The following DLG2 variants were observed in gnomAD, a reference collection of about 807,000 sequenced individuals.
DLG2 encodes disks large homolog 2.
Under a neutral mutation model 132.5 loss-of-function variants are expected in DLG2, and 45 were observed. That is an observed-to-expected ratio of 0.34 (90% CI 0.27 to 0.44). The LOEUF is 0.44. DLG2 is among the 20% of genes least tolerant of loss of function. DLG2 has a pLI of 1.00. For missense variants in DLG2, 1,045 were observed against 1,196.9 expected (o/e 0.87, Z 1.87); for synonymous variants, 424 against 419.6 (o/e 1.01, Z -0.13).
At chr11:85,174,206 A>G (rs1367628516) in intron 4 of DLG2, among the ~76,000 whole-genome samples, 3 of 152,212 alleles carry the variant, frequency 2.0e-5, no homozygotes, top group African/African-American at 7.2e-5. Context: ...TCCAAAATTG[A>G]TCACATAAAT....
chr11:84,033,542 TTGAAA>T lies in DLG2; in HGVS notation c.919+25768_919+25772del, dbSNP rs556370190. ...TCCTCTGGTGAAGATGTGAATATTGTTGAAATGAAAACAAAGGATTTAGAATATTG... is the reference window on the plus strand; with the variant it reads ...TCCTCTGGTGAAGATGTGAATATTGTTGAAAACAAAGGATTTAGAATATTG... On this transcript the variant is annotated intron_variant, in intron 11 of 27. Coordinates refer to ENST00000376104, the MANE Select transcript of DLG2 (RefSeq NM_001142699.3). Among the ~76,000 whole-genome samples the T allele has an allele frequency of 8.2e-4, 125 of 152,314 alleles. 4 individuals are homozygous for T. In the South Asian group the frequency reaches 0.024, roughly 29 times the overall value.
chr11:84,890,567 C>G (rs2089199943), intron 6 of DLG2, among the ~76,000 whole-genome samples: 1 of 152,128 alleles, frequency 6.6e-6, no homozygotes. Flanking sequence ...TTCCCAAGTC[C>G]TGAATATGCC....
intron 7 of DLG2, among the ~76,000 whole-genome samples, chr11:84,398,620 A>T (rs747175456): frequency 2.6e-5 from 4 of 152,324 alleles, no homozygotes; most frequent in Middle Eastern, 3.4e-3. Flanking sequence ...GTGTTAAACA[A>T]TCCAGTAGTG....
Position 84,977,457 on chromosome 11 carries a change from G to C in DLG2, c.357+134204C>G, listed in dbSNP as rs570987538. On this transcript the variant is annotated intron_variant, in intron 6 of 27. Coordinates refer to ENST00000376104, the MANE Select transcript of DLG2 (RefSeq NM_001142699.3). ...CTGTAGGCTCTTGTTGTGAGATGAA[G>C]ATTTTTCTTATTTTTAAAGCCAATC... 2.0e-5 allele frequency among the ~76,000 whole-genome samples: 3 copies of C among 152,198 alleles called. No individual in the cohort carries two copies. In the South Asian group the frequency reaches 6.2e-4, roughly 32 times the overall value.
chr11:84,991,023 G>A (rs1284431942), intron 6 of DLG2, among the ~76,000 whole-genome samples: 5 of 152,132 alleles, frequency 3.3e-5, no homozygotes, highest in Non-Finnish European at 5.9e-5. Context: ...ACCATGGGAT[G>A]CTACTCAGCA....
At chr11:85,123,151 G>A (rs1044793862) in intron 5 of DLG2, among the ~76,000 whole-genome samples, 15 of 150,342 alleles carry the variant, frequency 1.0e-4, no homozygotes, top group African/African-American at 3.7e-4. Flanking sequence ...CTAATTTTTT[G>A]TATTTTTAGT....
At chr11:85,262,741 T>C (rs1035069966) in intron 4 of DLG2, among the ~76,000 whole-genome samples, 10 of 152,200 alleles carry the variant, frequency 6.6e-5, no homozygotes, top group Non-Finnish European at 1.5e-4. Flanking sequence ...AATTTTAAGT[T>C]GGTCTGGTGA....
At chr11:84,403,209 CA>C (rs2098836815) in intron 7 of DLG2, among the ~76,000 whole-genome samples, 1 of 152,062 alleles carries the variant, frequency 6.6e-6, no homozygotes, top group Non-Finnish European at 1.5e-5. Flanking sequence ...GGGAGTCACT[CA>C]AAAACTGCTG....
At chr11:84,560,966 A>G (rs968842307) in intron 6 of DLG2, among the ~76,000 whole-genome samples, 19 of 152,104 alleles carry the variant, frequency 1.2e-4, no homozygotes, top group Non-Finnish European at 5.9e-5. Context: ...TAGGAATACA[A>G]TAATCAATGA....
At chr11:83,937,686 A>G (rs2081802490) in intron 14 of DLG2, among the ~76,000 whole-genome samples, 1 of 152,184 alleles carries the variant, frequency 6.6e-6, no homozygotes, top group Non-Finnish European at 1.5e-5. Flanking sequence ...ATCCAATCAC[A>G]AGAGAAAATA....
chr11:84,722,541 C>T (rs1048601050), intron 6 of DLG2, among the ~76,000 whole-genome samples: 3 of 152,166 alleles, frequency 2.0e-5, no homozygotes, highest in African/African-American at 7.2e-5. Flanking sequence ...CTGATTATGT[C>T]ATAATTCTCT....
At chr11:85,402,344 G>C (rs1171482898) in intron 3 of DLG2, among the ~76,000 whole-genome samples, 1 of 152,138 alleles carries the variant, frequency 6.6e-6, no homozygotes, top group Non-Finnish European at 1.5e-5. Context: ...ATTAACTCAA[G>C]ATGGTTTAAA....
intron 7 of DLG2, chr11:84,273,254 A>C: frequency 6.6e-7 from 1 of 1,513,002 alleles, no homozygotes; most frequent in Non-Finnish European, 8.9e-7. Context: ...TGGCCGTTGC[A>C]TAGCGAAAGC....
At chr11:84,562,733 T>TTTTC (rs996957988) in intron 6 of DLG2, among the ~76,000 whole-genome samples, 5 of 151,792 alleles carry the variant, frequency 3.3e-5, no homozygotes, top group African/African-American at 7.3e-5. Flanking sequence ...CTTTACCTCT[T>TTTTC]TTTCTTTCTT....
chr11:84,716,713 A>G (rs2061276555), intron 6 of DLG2, among the ~76,000 whole-genome samples: 1 of 151,884 alleles, frequency 6.6e-6, no homozygotes, highest in African/African-American at 2.4e-5. Flanking sequence ...GGGGCAAAAA[A>G]AAAAAAAAAG....
chr11:83,864,381 A>AG (rs754902557), intron 16 of DLG2, among the ~76,000 whole-genome samples: 1 of 152,224 alleles, frequency 6.6e-6, no homozygotes, highest in Non-Finnish European at 1.5e-5. Flanking sequence ...ATCTCACCAG[A>AG]GTGCTTGGCA....
chr11:85,271,130 T>C (rs1430408430), intron 4 of DLG2, among the ~76,000 whole-genome samples: 1 of 152,170 alleles, frequency 6.6e-6, no homozygotes, highest in African/African-American at 2.4e-5. Flanking sequence ...GTCCCTCTGC[T>C]GTGTGCAGTC....
chr11:84,689,800 C>A (rs2057806293), intron 6 of DLG2, among the ~76,000 whole-genome samples: 1 of 151,908 alleles, frequency 6.6e-6, no homozygotes, highest in South Asian at 2.1e-4. Flanking sequence ...AGTTAACGCA[C>A]ACACACAGAC....
chr11:84,316,000 G>T (rs1004838833), intron 7 of DLG2, among the ~76,000 whole-genome samples: 1 of 152,038 alleles, frequency 6.6e-6, no homozygotes, highest in African/African-American at 2.4e-5. Flanking sequence ...GTGACTACAG[G>T]TGTATTTTAT....
Sources: allele counts gnomAD v4.1 joint callset (sites outside exome capture counted in the v4.1 genomes callset), GRCh38; gene constraint gnomAD v4.1.1; transcripts MANE v1.5; gene names NCBI Gene and HGNC (gene_info 2026-07-23, HGNC 2026-07-21).